The following BPI variants were observed in gnomAD, a reference collection of about 807,000 sequenced individuals.
BPI encodes bactericidal permeability increasing protein.
In BPI, 48 loss-of-function variants were observed where a neutral mutation model predicts 57.6. That is an observed-to-expected ratio of 0.83 (90% CI 0.66 to 1.06). BPI has a LOEUF of 1.06. BPI is among the 50% of genes least tolerant of loss of function. The pLI is 0.00. For synonymous variants in BPI, 237 were observed against 238.2 expected (o/e 0.99, Z 0.05); for missense variants, 651 against 609.7 (o/e 1.07, Z -0.71).
rs758585190 is a variant in BPI, at chr20:38,318,466, G to T, written c.654G>T (p.Gln218His). 1.9e-5 allele frequency: 30 copies of T among 1,613,576 alleles called. No individual in the cohort carries two copies. In the South Asian group the frequency reaches 3.2e-4, roughly 17 times the overall value. ...CCTCCGAGCTGCAACCTTATTTCCAGACTCTGCCAGGTGAGGGCTGGATGA... is the reference window on the plus strand; with the variant it reads ...CCTCCGAGCTGCAACCTTATTTCCATACTCTGCCAGGTGAGGGCTGGATGA... ...SVSSELQPYF[Q>H]TLPVMTKIDS... The change falls in exon 6 of 15, where the codon CAG (glutamine) becomes CAT (histidine). Residue 218 changes from glutamine (Q) to histidine (H), a missense_variant. By Grantham distance (24) the Gln-to-His change is conservative. Transcript: ENST00000642449.
chr20:38,326,343 AC>A lies in BPI; in HGVS notation c.1074del (p.Gly359AlafsTer26), dbSNP rs775130108. On this transcript the variant is annotated frameshift_variant, in exon 10 of 15. Coordinates refer to ENST00000642449, the MANE Select transcript of BPI (RefSeq NM_001725.3). LOFTEE classifies it high-confidence loss of function. The part of the protein sequence containing the change: ...STPPHLSVQP[T>X]GLTFYPAVDV... The stretch of plus-strand genomic sequence containing the variant: ...CCCGCCACACCTGTCTGTGCAGCCC[AC>A]CGGCCTTACCTTCTACCCTGCCGTG... 2 of 1,614,176 alleles carry A rather than the reference AC, an allele frequency of 1.2e-6. No homozygotes were observed. Among genetic ancestry groups the A allele is most frequent in the Non-Finnish European group, 1.7e-6 (2 of 1,180,016 alleles).
Position 38,313,293 on chromosome 20 carries a change from G to A in BPI, c.600+1356G>A, listed in dbSNP as rs374396851. Among the ~76,000 whole-genome samples, 11 of 150,536 alleles carry A rather than the reference G, an allele frequency of 7.3e-5. No individual in the cohort carries two copies. The South Asian group carries it at 2.3e-3, about 32-fold the overall frequency. On this transcript the variant is annotated intron_variant, in intron 5 of 14. Transcript: ENST00000642449. ...AGCTACTCGGCATGCTGAGGCAGGAGAATCGCTTGAACTTGGGAGGTGGAG... is the reference window on the plus strand; with the variant it reads ...AGCTACTCGGCATGCTGAGGCAGGAAAATCGCTTGAACTTGGGAGGTGGAG...
chr20:38,337,126 A>G lies in BPI; in HGVS notation c.1414-20A>G. 1 of 1,600,920 alleles carries G rather than the reference A, an allele frequency of 6.2e-7. No individual in the cohort carries two copies. Among genetic ancestry groups the G allele is most frequent in the Non-Finnish European group, 8.5e-7 (1 of 1,174,538 alleles). On this transcript the variant is annotated intron_variant, in intron 14 of 14. Transcript: ENST00000642449. ...AGGGGTGCATCTTCAACTGGTGACA[A>G]CATTCTCATCTCTCCCTAGAACTTC...
chr20:38,327,598 G>A lies in BPI; in HGVS notation c.1172G>A (p.Gly391Asp), dbSNP rs776762822. 2.0e-5 allele frequency: 32 copies of A among 1,613,366 alleles called. No individual in the cohort carries two copies. The highest frequency in any genetic ancestry group is 2.5e-5 in the Non-Finnish European group (30 of 1,179,698). ...SLFLIGMHTT[G>D]SMEVSAESNR... ...TTGTTGTTTTGGCAGCACACAACTG[G>A]TTCCATGGAGGTCAGCGCCGAGTCC... Residue 391 changes from glycine (G) to aspartate (D), a missense_variant, in exon 11 of 15, where the codon GGT (glycine) becomes GAT (aspartate). Transcript: ENST00000642449.
chr20:38,328,290 C>T (rs1228153440), intron 11 of BPI, among the ~76,000 whole-genome samples: 4 of 152,138 alleles, frequency 2.6e-5, no homozygotes, highest in South Asian at 2.1e-4. Context: ...CGGTGGCTCA[C>T]GCCTGTAATC....
At chr20:38,328,385 T>C (rs1296163780) in intron 11 of BPI, among the ~76,000 whole-genome samples, 1 of 151,952 alleles carries the variant, frequency 6.6e-6, no homozygotes, top group Non-Finnish European at 1.5e-5. Context: ...AAACCCTGTC[T>C]CTATTAAAAA....
At chr20:38,336,616 A>G (rs1010807751) in intron 14 of BPI, among the ~76,000 whole-genome samples, 5 of 152,212 alleles carry the variant, frequency 3.3e-5, no homozygotes, top group Admixed American at 6.5e-5. Context: ...TGTCCAGGCC[A>G]TCAATCCTCA....
chr20:38,323,760 TCC>T, intron 7 of BPI, 108 bp from the exon 8 acceptor site: 1 of 1,249,780 alleles, frequency 8.0e-7, no homozygotes, highest in Admixed American at 2.5e-5. Flanking sequence ...CATTGCTTTT[TCC>T]TTTGCAAGTG....
At position 38,323,157 on chromosome 20, in the gene BPI, A is replaced by T. The variant is rs564722016; in HGVS notation, c.757-713A>T. On this transcript the variant is annotated intron_variant, in intron 7 of 14. Coordinates refer to ENST00000642449, the MANE Select transcript of BPI (RefSeq NM_001725.3). Reference sequence around the variant, plus strand: ...CCCCCACCCCAGAACCATGTTGATGATGTTGGTGTGTGTCCTTTTTGCCTG... The same window carrying T: ...CCCCCACCCCAGAACCATGTTGATGTTGTTGGTGTGTGTCCTTTTTGCCTG... Among the ~76,000 whole-genome samples, 6 of 152,232 alleles carry T rather than the reference A, an allele frequency of 3.9e-5. No homozygotes were observed. In the East Asian group the frequency reaches 1.2e-3, roughly 29 times the overall value.
At chr20:38,310,776 G>T in intron 4 of BPI, 124 bp downstream of exon 4, 1 of 1,290,310 alleles carries the variant, frequency 7.8e-7, no homozygotes, top group Non-Finnish European at 1.1e-6. Context: ...AGAGGCCTCA[G>T]GCATGGTATG....
chr20:38,331,019 G>A (rs753222894), intron 11 of BPI, 29 bp from the exon 12 acceptor site: 4 of 1,612,876 alleles, frequency 2.5e-6, no homozygotes, highest in Non-Finnish European at 2.5e-6. Flanking sequence ...GCAATTGGTG[G>A]TCTCAGTCCC....
intron 11 of BPI, among the ~76,000 whole-genome samples, chr20:38,328,366 A>G (rs2076724388): frequency 6.6e-6 from 1 of 152,078 alleles, no homozygotes; most frequent in Non-Finnish European, 1.5e-5. Context: ...CAGTCTGGCC[A>G]ACATGGTGAA....
chr20:38,321,581 C>G (rs6069729), intron 7 of BPI: 1 of 152,172 alleles, frequency 6.6e-6, no homozygotes, highest in East Asian at 1.9e-4. Flanking sequence ...GAAATTCATC[C>G]TGGATTGTGC....
At position 38,327,583 on chromosome 20, in the gene BPI, G is replaced by A; in HGVS notation, c.1162-5G>A. ...GCACTTCACCCTGGGTTGTTGTTTT[G>A]GCAGCACACAACTGGTTCCATGGAG... On this transcript the variant is annotated splice_polypyrimidine_tract_variant and splice_region_variant and intron_variant, in intron 10 of 14. Coordinates refer to ENST00000642449, the MANE Select transcript of BPI (RefSeq NM_001725.3). 1 of 1,612,874 alleles carries A rather than the reference G, an allele frequency of 6.2e-7. No homozygotes were observed. Among genetic ancestry groups the A allele is most frequent in the Non-Finnish European group, 8.5e-7 (1 of 1,179,506 alleles).
At chr20:38,334,606 T>G (rs1461484305) in intron 13 of BPI, 113 bp downstream of exon 13, 1 of 1,069,234 alleles carries the variant, frequency 9.4e-7, no homozygotes, top group African/African-American at 1.6e-5. Flanking sequence ...GCAGTGGTGA[T>G]GTCAAGTGAA....
chr20:38,330,310 G>C (rs1276167359), intron 11 of BPI, among the ~76,000 whole-genome samples: 1 of 152,156 alleles, frequency 6.6e-6, no homozygotes, highest in African/African-American at 2.4e-5. Context: ...ACCATTGTTT[G>C]ATCTCTGAGT....
At chr20:38,313,181 T>TGG (rs1216204380) in intron 5 of BPI, among the ~76,000 whole-genome samples, 2 of 152,062 alleles carry the variant, frequency 1.3e-5, no homozygotes, top group African/African-American at 4.8e-5. Flanking sequence ...GGTTAGGAGT[T>TGG]CAAGACCAGC....
Position 38,304,278 on chromosome 20 carries a change from G to A in BPI, c.55G>A (p.Ala19Thr), listed in dbSNP as rs187671628. ...ATGGGCGTCCCTGATGGTGCTGGTC[G>A]CCATAGGCACCGCCGTGACAGCGGC... ...PRWASLMVLV[A>T]IGTAVTAAVN... Residue 19 changes from alanine (A) to threonine (T), a missense_variant, in exon 1 of 15, where the codon GCC becomes ACC. Ala to Thr is a moderately conservative substitution (Grantham distance 58). Transcript: ENST00000642449. 4.2e-5 allele frequency: 67 copies of A among 1,614,104 alleles called. 1 individual carries two copies. The highest frequency in any genetic ancestry group is 1.3e-4 in the South Asian group (12 of 91,082).
chr20:38,304,379 T>C, intron 1 of BPI, 26 bp downstream of exon 1: 1 of 1,609,302 alleles, frequency 6.2e-7, no homozygotes, highest in Non-Finnish European at 8.5e-7. Flanking sequence ...CCTTCCCTCC[T>C]CTCCACCCCT....
Sources: gnomAD v4.1 joint callset for allele counts (sites outside exome capture counted in the v4.1 genomes callset) on GRCh38, gnomAD v4.1.1 for gene constraint, MANE v1.5 for transcripts, NCBI Gene and HGNC (gene_info 2026-07-23, HGNC 2026-07-21) for gene names.